The following CNTN4 variants were observed in gnomAD, a reference collection of about 807,000 sequenced individuals.
CNTN4 encodes the protein contactin-4.
A neutral mutation model predicts 122.5 loss-of-function variants in CNTN4; 77 were observed. That is an observed-to-expected ratio of 0.63 (90% CI 0.52 to 0.76). The LOEUF (loss-of-function observed/expected upper bound fraction) is 0.76. Among genes scored for constraint, CNTN4 ranks in the 30% least tolerant of loss-of-function variants. CNTN4 has a pLI of 0.00. For synonymous variants in CNTN4, 512 were observed against 447.0 expected (o/e 1.15, Z -1.83); for missense variants, 1,256 against 1,259.1 (o/e 1.00, Z 0.04).
At chr3:2,192,106 C>T (rs1341532739) in intron 2 of CNTN4, among the ~76,000 whole-genome samples, 1 of 151,914 alleles carries the variant, frequency 6.6e-6, no homozygotes, top group East Asian at 1.9e-4. Context: ...ATATGTCCCA[C>T]ATTTTCTTAA....
chr3:2,377,845 T>G (rs1386470667), intron 3 of CNTN4, among the ~76,000 whole-genome samples: 1 of 152,170 alleles, frequency 6.6e-6, no homozygotes, highest in Non-Finnish European at 1.5e-5. Flanking sequence ...CAATTCCTCT[T>G]CGTCCAGTGC....
intron 14 of CNTN4, chr3:2,988,892 G>A (rs1444975730): frequency 4.2e-6 from 1 of 240,296 alleles, no homozygotes; most frequent in African/African-American, 2.3e-5. Context: ...TTTTAAGATA[G>A]CTGTCCCATT....
intron 4 of CNTN4, among the ~76,000 whole-genome samples, chr3:2,630,641 GTAA>G (rs1279435632): frequency 1.3e-5 from 2 of 151,584 alleles, no homozygotes. Context: ...CTTCTTCTCT[GTAA>G]TTATAGTAAA....
chr3:2,820,432 T>TA (rs2092836897), intron 7 of CNTN4, among the ~76,000 whole-genome samples: 1 of 152,218 alleles, frequency 6.6e-6, no homozygotes, highest in Non-Finnish European at 1.5e-5. Flanking sequence ...ATGCATTCAT[T>TA]AACCCTGAAG....
At chr3:2,867,606 T>A (rs1424020954) in intron 8 of CNTN4, among the ~76,000 whole-genome samples, 2 of 152,136 alleles carry the variant, frequency 1.3e-5, no homozygotes, top group African/African-American at 4.8e-5. Context: ...TTCCCTCTTC[T>A]TGAAATGCTC....
intron 3 of CNTN4, among the ~76,000 whole-genome samples, chr3:2,520,104 A>G (rs764624453): frequency 1.3e-5 from 2 of 152,072 alleles, no homozygotes; most frequent in Non-Finnish European, 2.9e-5. Flanking sequence ...AATTCAATAA[A>G]TATATTTTGC....
intron 4 of CNTN4, among the ~76,000 whole-genome samples, chr3:2,670,243 C>A (rs2084424003): frequency 6.6e-6 from 1 of 152,138 alleles, no homozygotes; most frequent in African/African-American, 2.4e-5. Context: ...CTTTGTAGGT[C>A]TCTAAGGACT....
Position 2,163,355 on chromosome 3 carries a change from A to G in CNTN4, c.-145+62716A>G, listed in dbSNP as rs115399835. On this transcript the variant is annotated intron_variant, in intron 2 of 24. Coordinates refer to ENST00000418658, the MANE Select transcript of CNTN4 (RefSeq NM_175607.3). Reference sequence around the variant, plus strand: ...CTCACCTTATACAAAAATCAACTCAAGATTCATCAAAGACTTAAATCTAAG... The same window carrying G: ...CTCACCTTATACAAAAATCAACTCAGGATTCATCAAAGACTTAAATCTAAG... Among the ~76,000 whole-genome samples, 700 of 150,792 alleles carry G rather than the reference A, an allele frequency of 4.6e-3. 4 individuals carry two copies. The highest frequency in any genetic ancestry group is 0.017 in the African/African-American group (667 of 40,120).
intron 2 of CNTN4, among the ~76,000 whole-genome samples, chr3:2,254,323 T>C (rs2040493744): frequency 6.6e-6 from 1 of 152,150 alleles, no homozygotes. Context: ...CAAGTCTTTG[T>C]TATTGTGAAC....
At chr3:3,047,219 G>A (rs1332258726) in intron 23 of CNTN4, among the ~76,000 whole-genome samples, 4 of 152,004 alleles carry the variant, frequency 2.6e-5, no homozygotes, top group East Asian at 3.9e-4. Context: ...ACAGATCAAC[G>A]AGACAGAAAG....
In CNTN4 at chr3:2,429,066, C is replaced by G. The variant is rs529828981; in HGVS notation, c.-89+89833C>G. Among the ~76,000 whole-genome samples the G allele has an allele frequency of 2.6e-5, 4 of 152,130 alleles. No homozygotes were observed. The South Asian group carries it at 8.3e-4, about 31-fold the overall frequency. ...GTTTGTTATTACCGATCGTCTGAAG[C>G]CTTCTTCTCTCAACTTGTCAAAGTA... On this transcript the variant is annotated intron_variant, in intron 3 of 24. Transcript: ENST00000418658.
At chr3:2,478,408 GT>G (rs11369134) in intron 3 of CNTN4, among the ~76,000 whole-genome samples, 2 of 147,172 alleles carry the variant, frequency 1.4e-5, no homozygotes, top group Non-Finnish European at 1.5e-5. Flanking sequence ...TTATCTGTTT[GT>G]TTTTTTTTTT....
intron 4 of CNTN4, among the ~76,000 whole-genome samples, chr3:2,722,275 G>A (rs2087908728): frequency 6.6e-6 from 1 of 152,130 alleles, no homozygotes; most frequent in South Asian, 2.1e-4. Flanking sequence ...GAGCTCCTTG[G>A]ACAGTGTGTT....
intron 3 of CNTN4, among the ~76,000 whole-genome samples, chr3:2,462,528 A>G (rs2049265183): frequency 1.3e-5 from 2 of 152,224 alleles, no homozygotes; most frequent in African/African-American, 2.4e-5. Flanking sequence ...GGATAGGAAG[A>G]AAGCTGATGT....
chr3:2,942,907 A>C (rs759344614), intron 13 of CNTN4, among the ~76,000 whole-genome samples: 1 of 152,164 alleles, frequency 6.6e-6, no homozygotes, highest in Non-Finnish European at 1.5e-5. Context: ...AAACTTCGGA[A>C]AGCTTTCCTC....
intron 2 of CNTN4, among the ~76,000 whole-genome samples, chr3:2,107,267 T>C (rs1173601736): frequency 6.6e-6 from 1 of 152,190 alleles, no homozygotes; most frequent in East Asian, 1.9e-4. Context: ...ACTGCATTAG[T>C]CTGTTCTCAC....
At position 2,390,213 on chromosome 3, in the gene CNTN4, A is replaced by T. The variant is rs1559511346; in HGVS notation, c.-89+50980A>T. 1.7e-3 allele frequency among the ~76,000 whole-genome samples: 196 copies of T among 113,628 alleles called. 1 individual carries two copies. Among genetic ancestry groups the T allele is most frequent in the African/African-American group, 6.7e-3 (181 of 26,896 alleles). The allele number at this position is 113,628 out of a possible 152,430, so 74.5% of individuals were successfully genotyped here. A position where few individuals can be genotyped will look rare whatever the true frequency, so the allele number is the denominator to read the frequency against. On this transcript the variant is annotated intron_variant, in intron 3 of 24. Transcript: ENST00000418658. ...TTACTGTCAATGGGTTTAGGAAAAA[A>T]GAGTGTGTGTGTGTGTGTGTGTGTG... is the stretch of plus-strand genomic sequence containing the variant.
Position 2,233,121 on chromosome 3 carries a change from G to T in CNTN4, c.-144-106057G>T, listed in dbSNP as rs1051401629. Among the ~76,000 whole-genome samples the T allele has an allele frequency of 2.0e-5, 3 of 151,170 alleles. No homozygotes were observed. The East Asian group carries it at 5.8e-4, about 29-fold the overall frequency. On this transcript the variant is annotated intron_variant, in intron 2 of 24. Coordinates refer to ENST00000418658, the MANE Select transcript of CNTN4 (RefSeq NM_175607.3). ...CTATGATTATATTTTTAAACTAATG[G>T]GGGTCAGACTGAACTGTCTTGAGCT...
chr3:2,936,446 A>G (rs2094567882), intron 13 of CNTN4, among the ~76,000 whole-genome samples: 1 of 152,166 alleles, frequency 6.6e-6, no homozygotes, highest in South Asian at 2.1e-4. Context: ...TTTAATGCAC[A>G]CTCAGGTATG....
Sources: gnomAD v4.1 joint callset for allele counts (sites outside exome capture counted in the v4.1 genomes callset) on GRCh38, gnomAD v4.1.1 for gene constraint, MANE v1.5 for transcripts, NCBI Gene and HGNC (gene_info 2026-07-23, HGNC 2026-07-21) for gene names.